The following CFLAR variants were observed in gnomAD, a reference collection of about 807,000 sequenced individuals.
CFLAR encodes the protein CASP8 and FADD-like apoptosis regulator.
CFLAR carries 14 observed loss-of-function variants against 51.1 expected under a neutral mutation model. That is an observed-to-expected ratio of 0.27 (90% confidence interval 0.18 to 0.43). CFLAR has a LOEUF of 0.43. Among genes scored for constraint, CFLAR ranks in the 20% least tolerant of loss-of-function variants. The pLI is 1.00. For missense variants in CFLAR, 390 were observed against 566.5 expected (o/e 0.69, Z 3.16); for synonymous variants, 210 against 211.6 (o/e 0.99, Z 0.06).
intron 1 of CFLAR, among the ~76,000 whole-genome samples, chr2:201,127,616 T>A (rs2048831798): frequency 6.6e-6 from 1 of 152,206 alleles, no homozygotes; most frequent in Non-Finnish European, 1.5e-5. Flanking sequence ...CTCCCTAGTA[T>A]GCTCTCCTTT....
At position 201,130,117 on chromosome 2, in the gene CFLAR, C is replaced by A; in HGVS notation, c.252C>A (p.Leu84=). The A allele has an allele frequency of 6.3e-7, 1 of 1,577,916 alleles. No homozygotes were observed. Among genetic ancestry groups the A allele is most frequent in the African/African-American group, 1.4e-5 (1 of 70,444 alleles). ...MDRKAVETHL[L]RNPHLVSDYR... ...GAAAAGCTGTGGAGACCCACCTGCT[C>A]AGGAACCCTCACCTTGTTTCGGACT... Residue 84 remains leucine (L), a synonymous_variant, in exon 2 of 10, where the codon CTC becomes CTA. Transcript: ENST00000309955.
intron 2 of CFLAR, 22 bp downstream of exon 2, chr2:201,130,168 A>C: frequency 7.2e-6 from 1 of 138,498 alleles, no homozygotes. Flanking sequence ...ACTCTTCCTG[A>C]GGCTGGGTGG....
chr2:201,134,052 T>TA (rs1441725857), intron 3 of CFLAR, among the ~76,000 whole-genome samples: 1 of 151,380 alleles, frequency 6.6e-6, no homozygotes, highest in Non-Finnish European at 1.5e-5. Context: ...CTCACGCCTG[T>TA]AATCCTAGCA....
chr2:201,158,845 C>T (rs1942607354), intron 8 of CFLAR, among the ~76,000 whole-genome samples: 1 of 118,740 alleles, frequency 8.4e-6, no homozygotes, highest in East Asian at 2.3e-4. Flanking sequence ...ACGGCATTTG[C>T]CCTCATCATT....
In CFLAR at chr2:201,126,505, G is replaced by A. The variant is rs190931889; in HGVS notation, c.-137-3224G>A. ...GTCTGTCTGGCTCTCTTAGCTAAGG[G>A]AGAGTCAATTCAGGTGAAAACAAGG... On this transcript the variant is annotated intron_variant, in intron 1 of 9. Transcript: ENST00000309955. 1.0e-3 allele frequency among the ~76,000 whole-genome samples: 153 copies of A among 152,330 alleles called. 1 individual carries two copies. The highest frequency in any genetic ancestry group is 9.9e-3 in the Admixed American group (151 of 15,294).
chr2:201,155,034 T>C (rs1489642795), intron 8 of CFLAR, among the ~76,000 whole-genome samples: 1 of 152,226 alleles, frequency 6.6e-6, no homozygotes, highest in Admixed American at 6.5e-5. Context: ...TTTGGTAGAA[T>C]TGAAAAATAA....
chr2:201,119,301 C>T (rs565376304), intron 1 of CFLAR: 1 of 152,300 alleles, frequency 6.6e-6, no homozygotes, highest in South Asian at 2.1e-4. Context: ...TTCTTGTCCC[C>T]ATAACCTCAC....
At chr2:201,145,666 A>C (rs1333375378) in intron 6 of CFLAR, 2 of 448,502 alleles carry the variant, frequency 4.5e-6, no homozygotes, top group East Asian at 3.8e-5. Flanking sequence ...TCTTGGCCGT[A>C]TGTTAAGAGA....
chr2:201,136,421 A>G, intron 4 of CFLAR: 2 of 1,598,398 alleles, frequency 1.3e-6, no homozygotes, highest in Non-Finnish European at 1.7e-6. Context: ...TTTTGCATGT[A>G]TGCTGAACCC....
rs2049086304 is a variant in CFLAR at position 201,130,027 on chromosome 2, C to T, written c.162C>T (p.Asp54=). 4 of 1,614,034 alleles carry T rather than the reference C, an allele frequency of 2.5e-6. No homozygotes were observed. In the South Asian group the frequency reaches 4.4e-5, roughly 18 times the overall value. Residue 54 remains aspartate (D), a synonymous_variant, in exon 2 of 10, where the codon GAC becomes GAT. Transcript: ENST00000309955. ...AAAGAGGTAAGCTGTCTGTCGGGGA[C>T]TTGGCTGAACTGCTCTACAGAGTGA... is the stretch of plus-strand genomic sequence containing the variant. ...LRERGKLSVG[D]LAELLYRVRR...
intron 8 of CFLAR, chr2:201,154,314 C>G (rs529793754): frequency 3.0e-5 from 5 of 167,386 alleles, no homozygotes; most frequent in African/African-American, 9.6e-5. Context: ...TGGTCTCGAT[C>G]TCCTGACCTT....
intron 8 of CFLAR, among the ~76,000 whole-genome samples, chr2:201,158,441 A>G (rs1942535065): frequency 6.6e-6 from 1 of 152,220 alleles, no homozygotes; most frequent in Admixed American, 6.5e-5. Flanking sequence ...ATCAGTGAAG[A>G]GAGGTTTTGA....
In CFLAR at chr2:201,130,245, C is replaced by A. The variant is rs539023573; in HGVS notation, c.281+99C>A. ...AAACGAGGATAATAAGAAGTGCAGCCACTTTACTGTCTCTGCCCACTTATC... is the reference window on the plus strand; with the variant it reads ...AAACGAGGATAATAAGAAGTGCAGCAACTTTACTGTCTCTGCCCACTTATC... On this transcript the variant is annotated intron_variant, in intron 2 of 9. Coordinates refer to ENST00000309955, the MANE Select transcript of CFLAR (RefSeq NM_003879.7). 1.2e-3 allele frequency: 1,327 copies of A among 1,132,276 alleles called. 26 individuals carry two copies. In the South Asian group the frequency reaches 0.019, roughly 16 times the overall value. The allele number at this position is 1,132,276 out of a possible 1,614,324, so 70.1% of individuals were successfully genotyped here.
At position 201,138,162 on chromosome 2, in the gene CFLAR, C is replaced by CA. The variant is rs1298107205; in HGVS notation, c.523+2057dup. ...TGGGCTGCTGTCACCACGTTCCCCC[C>CA]AATCACCTGGAGGTGGGGTTACTTT... On this transcript the variant is annotated intron_variant, in intron 4 of 9. Transcript: ENST00000309955. The surrounding 1 kb of genome is among the most constrained non-coding windows in gnomAD (Gnocchi z 4.0). 1 of 896,208 alleles carries CA rather than the reference C, an allele frequency of 1.1e-6. No homozygotes were observed. The highest frequency in any genetic ancestry group is 1.6e-5 in the African/African-American group (1 of 61,120). The allele number at this position is 896,208 out of a possible 1,614,324, so 55.5% of individuals were successfully genotyped here. A position where few individuals can be genotyped will look rare whatever the true frequency, so the allele number is the denominator to read the frequency against.
Position 201,134,640 on chromosome 2 carries a change from T to TTAAAATAAAATAAAATAAAA in CFLAR, c.388-1306_388-1287dup, listed in dbSNP as rs60192551. Among the ~76,000 whole-genome samples the TTAAAATAAAATAAAATAAAA allele has an allele frequency of 7.7e-3, 1,100 of 142,898 alleles. 5 individuals are homozygous for TTAAAATAAAATAAAATAAAA. The highest frequency in any genetic ancestry group is 0.011 in the Non-Finnish European group (705 of 65,460). 93.7% of individuals were successfully genotyped at this position (142,898 alleles called of 152,430 possible). A position where few individuals can be genotyped will look rare whatever the true frequency, so the allele number is the denominator to read the frequency against. On this transcript the variant is annotated intron_variant, in intron 3 of 9. Coordinates refer to ENST00000309955, the MANE Select transcript of CFLAR (RefSeq NM_003879.7). ...ATAGAGCCAGACTCCATCTCAAAAA[T>TTAAAATAAAATAAAATAAAA]TAAAATAAAATAAAATAAAATAAAA...
In CFLAR at chr2:201,171,942, A is replaced by G. The variant is rs1223841075; in HGVS notation, c.*7969A>G. On this transcript the variant is annotated 3_prime_UTR_variant, in exon 10 of 10. Transcript: ENST00000309955. ...CACATCTCCACATCCCCAAAATATAACCATACTTCAAGGGCAGTTCAAATA... is the reference window on the plus strand; with the variant it reads ...CACATCTCCACATCCCCAAAATATAGCCATACTTCAAGGGCAGTTCAAATA... The G allele has an allele frequency of 1.3e-5, 2 of 152,118 alleles. No homozygotes were observed. The highest frequency in any genetic ancestry group is 2.9e-5 in the Non-Finnish European group (2 of 68,028). The allele number at this position is 152,118 out of a possible 1,614,324, so 9.4% of individuals were successfully genotyped here. A position where few individuals can be genotyped will look rare whatever the true frequency, so the allele number is the denominator to read the frequency against.
intron 8 of CFLAR, 94 bp downstream of exon 8, chr2:201,149,929 G>A (rs1187605348): frequency 5.4e-6 from 5 of 920,824 alleles, no homozygotes; most frequent in South Asian, 1.3e-5. Flanking sequence ...ACCAACTGCC[G>A]TGACAAACCA....
rs995412790 is a variant in CFLAR at position 201,166,324 on chromosome 2, C to T, written c.*2351C>T. 3.0e-5 allele frequency: 5 copies of T among 166,226 alleles called. No individual in the cohort carries two copies. Among genetic ancestry groups the T allele is most frequent in the African/African-American group, 4.8e-5 (2 of 41,518 alleles). The allele number at this position is 166,226 out of a possible 1,614,324, so 10.3% of individuals were successfully genotyped here. On this transcript the variant is annotated 3_prime_UTR_variant, in exon 10 of 10. Coordinates refer to ENST00000309955, the MANE Select transcript of CFLAR (RefSeq NM_003879.7). ...GCGGAGGGGCTCCTCACTTCTCAGACGGGGTGGCTGCTGGGCGGAGACGCT... is the reference window on the plus strand; with the variant it reads ...GCGGAGGGGCTCCTCACTTCTCAGATGGGGTGGCTGCTGGGCGGAGACGCT...
intron 8 of CFLAR, chr2:201,150,062 A>T: frequency 3.2e-6 from 1 of 310,274 alleles, no homozygotes; most frequent in Non-Finnish European, 6.1e-6. Flanking sequence ...GGGCTCGGGC[A>T]CGGTGGCTTA....
Sources: gnomAD v4.1 joint callset for allele counts (sites outside exome capture counted in the v4.1 genomes callset) on GRCh38, gnomAD v4.1.1 for gene constraint, Gnocchi (gnomAD v3.1) non-coding constraint, MANE v1.5 for transcripts, NCBI Gene and HGNC (gene_info 2026-07-23, HGNC 2026-07-21) for gene names.